The following SUGT1 variants were observed in gnomAD, a reference collection of about 807,000 sequenced individuals.
The protein encoded by SUGT1 is SGT1 assembly cochaperone of MIS12 kinetochore complex.
In SUGT1, 15 loss-of-function variants were observed where a neutral mutation model predicts 56.1. The observed-to-expected ratio is 0.27, with a 90% CI of 0.18 to 0.41. The LOEUF is 0.41. Ranked by LOEUF, SUGT1 falls within the 10% of genes least tolerant of loss-of-function variation. The pLI is 1.00. For missense variants in SUGT1, 347 were observed against 382.2 expected, an observed-to-expected ratio of 0.91 and a Z score of 0.77; for synonymous variants, 123 against 128.6, an observed-to-expected ratio of 0.96 and a Z score of 0.30.
intron 11 of SUGT1, 107 bp downstream of exon 11, chr13:52,676,427 A>G: frequency 1.1e-6 from 1 of 944,818 alleles, no homozygotes; most frequent in Non-Finnish European, 1.5e-6. Flanking sequence ...TTCTCAAGAT[A>G]AGATACATTG....
At chr13:52,662,789 C>T in intron 6 of SUGT1, 87 bp downstream of exon 6, 1 of 1,365,914 alleles carries the variant, frequency 7.3e-7, no homozygotes. Flanking sequence ...TTGTTTTTAT[C>T]TTTATAATTT....
chr13:52,690,815 G>A lies in SUGT1; in HGVS notation c.*2980G>A, dbSNP rs1963754055. The stretch of plus-strand genomic sequence containing the variant: ...CTGTCTATAGGGAGTGAAATGGAAT[G>A]GAGAAAGAGGATGGCTTGCATTAAT... On this transcript the variant is annotated 3_prime_UTR_variant, in exon 13 of 13. Transcript: ENST00000310528. 6.6e-6 allele frequency: 1 copy of A among 152,126 alleles called. No homozygotes were observed. The highest frequency in any genetic ancestry group is 2.4e-5 in the African/African-American group (1 of 41,414). 9.4% of individuals were successfully genotyped at this position (152,126 alleles called of 1,614,324 possible).
rs565049831 is a variant in SUGT1, at chr13:52,692,871, A to G, written c.*5036A>G. 3 of 152,320 alleles carry G rather than the reference A, an allele frequency of 2.0e-5. No homozygotes were observed. Among genetic ancestry groups the G allele is most frequent in the South Asian group, 2.1e-4 (1 of 4,826 alleles). The allele number at this position is 152,320 out of a possible 1,614,324, so 9.4% of individuals were successfully genotyped here. Reference sequence around the variant, plus strand: ...AGGGTGCTGTTTTTCTCAAATCTAGATCATTACAGAGAAACAGTGTACTTT... The same window carrying G: ...AGGGTGCTGTTTTTCTCAAATCTAGGTCATTACAGAGAAACAGTGTACTTT... On this transcript the variant is annotated 3_prime_UTR_variant, in exon 13 of 13. Coordinates refer to ENST00000310528, the MANE Select transcript of SUGT1 (RefSeq NM_006704.5).
intron 11 of SUGT1, among the ~76,000 whole-genome samples, chr13:52,677,819 G>A (rs1010591942): frequency 6.6e-6 from 1 of 152,134 alleles, no homozygotes; most frequent in Non-Finnish European, 1.5e-5. Context: ...TGAATGAGCA[G>A]GGAGGTTAGA....
Position 52,690,390 on chromosome 13 carries a change from A to T in SUGT1, c.*2555A>T, listed in dbSNP as rs1963742806. 1 of 48,050 alleles carries T rather than the reference A, an allele frequency of 2.1e-5. No homozygotes were observed. The highest frequency in any genetic ancestry group is 7.8e-4 in the South Asian group (1 of 1,274). The allele number at this position is 48,050 out of a possible 1,614,324, so 3.0% of individuals were successfully genotyped here. On this transcript the variant is annotated 3_prime_UTR_variant, in exon 13 of 13. Transcript: ENST00000310528. ...TCTTTGTTTCTAGACTCCAATTTTCATTTCTCAAATTTTGGTTCTCAGTGC... is the reference window on the plus strand; with the variant it reads ...TCTTTGTTTCTAGACTCCAATTTTCTTTTCTCAAATTTTGGTTCTCAGTGC...
chr13:52,666,241 G>A (rs1179172139), intron 9 of SUGT1, among the ~76,000 whole-genome samples: 1 of 151,982 alleles, frequency 6.6e-6, no homozygotes, highest in East Asian at 1.9e-4. Flanking sequence ...ACATGCCACC[G>A]TGCCTGGCTA....
At chr13:52,653,209 C>G in intron 2 of SUGT1, 106 bp downstream of exon 2, 1 of 1,371,334 alleles carries the variant, frequency 7.3e-7, no homozygotes, top group Non-Finnish European at 1.0e-6. Flanking sequence ...GGGACCCAGG[C>G]TCTTGTTGAT....
rs992435876 is a variant in SUGT1 at position 52,694,452 on chromosome 13, T to C, written c.*6617T>C. On this transcript the variant is annotated 3_prime_UTR_variant, in exon 13 of 13. Coordinates refer to ENST00000310528, the MANE Select transcript of SUGT1 (RefSeq NM_006704.5). ...AAACAGAGCTTAATTATGTAAGTAT[T>C]GTCAGCACTTTATAAAGAATCGTAA... 2 of 152,252 alleles carry C rather than the reference T, an allele frequency of 1.3e-5. No homozygotes were observed. The highest frequency in any genetic ancestry group is 2.9e-5 in the Non-Finnish European group (2 of 68,034). The allele number at this position is 152,252 out of a possible 1,614,324, so 9.4% of individuals were successfully genotyped here. A position where few individuals can be genotyped will look rare whatever the true frequency, so the allele number is the denominator to read the frequency against.
intron 8 of SUGT1, among the ~76,000 whole-genome samples, chr13:52,664,346 T>G (rs1771399291): frequency 6.6e-6 from 1 of 152,206 alleles, no homozygotes; most frequent in Non-Finnish European, 1.5e-5. Context: ...TAAGTTTATG[T>G]TACTACACAG....
Position 52,698,744 on chromosome 13 carries a change from C to T in SUGT1, c.*10909C>T, listed in dbSNP as rs1964005690. 6.6e-6 allele frequency: 1 copy of T among 152,144 alleles called. No homozygotes were observed. The highest frequency in any genetic ancestry group is 6.5e-5 in the Admixed American group (1 of 15,268). 9.4% of individuals were successfully genotyped at this position (152,144 alleles called of 1,614,324 possible). A position where few individuals can be genotyped will look rare whatever the true frequency, so the allele number is the denominator to read the frequency against. On this transcript the variant is annotated 3_prime_UTR_variant, in exon 13 of 13. Coordinates refer to ENST00000310528, the MANE Select transcript of SUGT1 (RefSeq NM_006704.5). ...AGCCACCATGCTTAGCTGATTTGCC[C>T]TAATCCTCTGCTGACATTCTGATAT...
intron 2 of SUGT1, among the ~76,000 whole-genome samples, chr13:52,653,678 A>C (rs1962026893): frequency 6.6e-6 from 1 of 152,238 alleles, no homozygotes; most frequent in Non-Finnish European, 1.5e-5. Flanking sequence ...TAACCTAGAA[A>C]TCACTTTTTG....
rs138507433 is a variant in SUGT1 at position 52,653,071 on chromosome 13, C to T, written c.64C>T (p.Leu22=). Residue 22 remains leucine (L), a synonymous_variant, in exon 2 of 13, where the codon CTA becomes TTA. Transcript: ENST00000310528. The stretch of plus-strand genomic sequence containing the variant: ...GTTTTTCCAGAGCTTCTCGGATGCC[C>T]TAATCGACGAGGACCCCCAGGCGGC... ...QRFFQSFSDA[L]IDEDPQAALE... 8.0e-4 allele frequency: 1,296 copies of T among 1,614,132 alleles called. 1 individual carries two copies. Among genetic ancestry groups the T allele is most frequent in the Middle Eastern group, 1.3e-3 (8 of 6,062 alleles).
intron 11 of SUGT1, among the ~76,000 whole-genome samples, chr13:52,678,906 C>T (rs1253674387): frequency 1.3e-5 from 2 of 151,882 alleles, no homozygotes; most frequent in Non-Finnish European, 2.9e-5. Flanking sequence ...TGGTCTCACA[C>T]TTCTGGCCTC....
rs967534551 is a variant in SUGT1, at chr13:52,695,992, C to T, written c.*8157C>T. Reference sequence around the variant, plus strand: ...TTGGGTTATTTGCTTATGGTTGAGACATCACTGGATCCTTTGATGGAGTCA... The same window carrying T: ...TTGGGTTATTTGCTTATGGTTGAGATATCACTGGATCCTTTGATGGAGTCA... On this transcript the variant is annotated 3_prime_UTR_variant, in exon 13 of 13. Coordinates refer to ENST00000310528, the MANE Select transcript of SUGT1 (RefSeq NM_006704.5). The T allele has an allele frequency of 5.3e-5, 8 of 152,370 alleles. No individual in the cohort carries two copies. The highest frequency in any genetic ancestry group is 1.9e-4 in the African/African-American group (8 of 41,578). The allele number at this position is 152,370 out of a possible 1,614,324, so 9.4% of individuals were successfully genotyped here. A position where few individuals can be genotyped will look rare whatever the true frequency, so the allele number is the denominator to read the frequency against.
intron 2 of SUGT1, among the ~76,000 whole-genome samples, chr13:52,654,668 CAT>C (rs1414344472): frequency 6.6e-6 from 1 of 152,200 alleles, no homozygotes; most frequent in Non-Finnish European, 1.5e-5. Flanking sequence ...GTTCTTGACT[CAT>C]AAACAGAATC....
intron 7 of SUGT1, among the ~76,000 whole-genome samples, chr13:52,663,773 G>A (rs1206751901): frequency 6.6e-6 from 1 of 152,080 alleles, no homozygotes; most frequent in African/African-American, 2.4e-5. Flanking sequence ...TTAAAGTTCT[G>A]TTATTTTAGA....
chr13:52,659,814 A>ATATATTTTTTTTT (rs1555271105), intron 5 of SUGT1, among the ~76,000 whole-genome samples: 1 of 58,726 alleles, frequency 1.7e-5, no homozygotes, highest in African/African-American at 7.4e-5. Context: ...ATATATATAT[A>ATATATTTTTTTTT]TTTTTTTTTT....
At chr13:52,677,105 A>T (rs534069920) in intron 11 of SUGT1, among the ~76,000 whole-genome samples, 1 of 152,260 alleles carries the variant, frequency 6.6e-6, no homozygotes, top group African/African-American at 2.4e-5. Context: ...TCTGATTTTG[A>T]CTGCTTTCTT....
rs1175532539 is a variant in SUGT1, at chr13:52,697,242, C to G, written c.*9407C>G. 2 of 152,490 alleles carry G rather than the reference C, an allele frequency of 1.3e-5. No homozygotes were observed. The highest frequency in any genetic ancestry group is 2.9e-5 in the Non-Finnish European group (2 of 68,172). The allele number at this position is 152,490 out of a possible 1,614,324, so 9.4% of individuals were successfully genotyped here. Reference sequence around the variant, plus strand: ...GGTCTCTCAAACTCCTGGGTTCAAGCAGTCCTCCCACCTTGGCCTCCCAAA... The same window carrying G: ...GGTCTCTCAAACTCCTGGGTTCAAGGAGTCCTCCCACCTTGGCCTCCCAAA... On this transcript the variant is annotated 3_prime_UTR_variant, in exon 13 of 13. Transcript: ENST00000310528.
Sources: allele counts gnomAD v4.1 joint callset (sites outside exome capture counted in the v4.1 genomes callset), GRCh38; gene constraint gnomAD v4.1.1; transcripts MANE v1.5; gene names NCBI Gene and HGNC (gene_info 2026-07-23, HGNC 2026-07-21).